SEMA5A: variants seen among roughly 807,000 people sequenced by gnomAD.
SEMA5A encodes the protein semaphorin 5A.
SEMA5A carries 55 observed loss-of-function variants against 135.5 expected under a neutral mutation model. The ratio of observed to expected loss-of-function variants is 0.41; its 90% CI spans 0.33 to 0.51. The LOEUF (loss-of-function observed/expected upper bound fraction) is 0.51. SEMA5A is among the 20% of genes least tolerant of loss of function. SEMA5A has a pLI of 0.37. For synonymous variants in SEMA5A, 580 were observed against 546.5 expected (o/e 1.06, Z -0.85); for missense variants, 1,290 against 1,419.9 (o/e 0.91, Z 1.47).
At chr5:9,501,181 C>T (rs1044038576) in intron 1 of SEMA5A, among the ~76,000 whole-genome samples, 1 of 152,196 alleles carries the variant, frequency 6.6e-6, no homozygotes, top group Non-Finnish European at 1.5e-5. Context: ...CAAAACACCA[C>T]AGCAGTTTCA....
intron 1 of SEMA5A, among the ~76,000 whole-genome samples, chr5:9,509,897 C>T (rs541294114): frequency 2.7e-4 from 41 of 151,996 alleles, no homozygotes; most frequent in South Asian, 4.2e-4. Flanking sequence ...CAATCATGAA[C>T]GCTATTGGAG....
intron 6 of SEMA5A, among the ~76,000 whole-genome samples, chr5:9,231,683 C>T (rs1014700682): frequency 1.3e-5 from 2 of 152,102 alleles, no homozygotes; most frequent in Admixed American, 6.5e-5. Flanking sequence ...GGTAGAGTCA[C>T]AATGTAGAAG....
chr5:9,097,609 C>A (rs1293689035), intron 16 of SEMA5A, among the ~76,000 whole-genome samples: 1 of 152,110 alleles, frequency 6.6e-6, no homozygotes, highest in Non-Finnish European at 1.5e-5. Flanking sequence ...CAGGTGATCT[C>A]CACCTTTTCT....
rs1054301953 is a variant in SEMA5A at position 9,042,803 on chromosome 5, A to C, written c.*94T>G. 6.3e-5 allele frequency: 94 copies of C among 1,491,684 alleles called. No individual in the cohort carries two copies. Among genetic ancestry groups the C allele is most frequent in the Non-Finnish European group, 8.5e-5 (92 of 1,082,254 alleles). The allele number at this position is 1,491,684 out of a possible 1,614,324, so 92.4% of individuals were successfully genotyped here. Reference sequence around the variant, plus strand: ...TTGAAATGCACTTGAAATGTATCCAAACTTCGACTCTGAAGCCTCAGAAAC... The same window carrying C: ...TTGAAATGCACTTGAAATGTATCCACACTTCGACTCTGAAGCCTCAGAAAC... On this transcript the variant is annotated 3_prime_UTR_variant, in exon 23 of 23. Coordinates refer to ENST00000382496, the MANE Select transcript of SEMA5A (RefSeq NM_003966.3).
At chr5:9,168,319 T>C (rs1484060622) in intron 11 of SEMA5A, among the ~76,000 whole-genome samples, 1 of 152,182 alleles carries the variant, frequency 6.6e-6, no homozygotes, top group East Asian at 1.9e-4. Flanking sequence ...ACATTCTAGG[T>C]GACTCTAACT....
At chr5:9,090,568 C>A (rs2150123125) in intron 16 of SEMA5A, among the ~76,000 whole-genome samples, 1 of 152,350 alleles carries the variant, frequency 6.6e-6, no homozygotes, top group East Asian at 1.9e-4. Context: ...TTGATCTGTG[C>A]AGCTGGCCTC....
At chr5:9,092,178 T>G (rs939753422) in intron 16 of SEMA5A, among the ~76,000 whole-genome samples, 3 of 152,176 alleles carry the variant, frequency 2.0e-5, no homozygotes, top group African/African-American at 7.2e-5. Flanking sequence ...CCAGGCTTAT[T>G]GTGAGACAAC....
At chr5:9,177,210 A>G (rs1427486588) in intron 11 of SEMA5A, among the ~76,000 whole-genome samples, 1 of 152,216 alleles carries the variant, frequency 6.6e-6, no homozygotes, top group African/African-American at 2.4e-5. Flanking sequence ...ATAGTTACTT[A>G]GAAACCAGAA....
At chr5:9,499,891 G>A (rs746247546) in intron 1 of SEMA5A, among the ~76,000 whole-genome samples, 7 of 151,554 alleles carry the variant, frequency 4.6e-5, no homozygotes, top group Admixed American at 6.6e-5. Flanking sequence ...AGAAGAAACC[G>A]AAATAAGAAG....
intron 16 of SEMA5A, among the ~76,000 whole-genome samples, chr5:9,100,646 G>A (rs1739576658): frequency 6.6e-6 from 1 of 152,126 alleles, no homozygotes; most frequent in South Asian, 2.1e-4. Context: ...AAAACCACCT[G>A]CCCTAAACCC....
At chr5:9,075,107 A>G (rs1477048214) in intron 16 of SEMA5A, among the ~76,000 whole-genome samples, 3 of 152,244 alleles carry the variant, frequency 2.0e-5, no homozygotes, top group Admixed American at 6.5e-5. Flanking sequence ...AAAAAATGTG[A>G]AAACAATATT....
At chr5:9,429,873 A>G (rs1757795402) in intron 2 of SEMA5A, among the ~76,000 whole-genome samples, 1 of 152,166 alleles carries the variant, frequency 6.6e-6, no homozygotes. Flanking sequence ...CCAAGGGAGG[A>G]AGCTGGCTTT....
At chr5:9,182,195 G>A (rs1328589368) in intron 11 of SEMA5A, among the ~76,000 whole-genome samples, 2 of 143,596 alleles carry the variant, frequency 1.4e-5, no homozygotes, top group Admixed American at 1.4e-4. Context: ...CAGGGTGTCT[G>A]TCTGTCTTGT....
chr5:9,394,576 A>T (rs1756307622), intron 2 of SEMA5A, among the ~76,000 whole-genome samples: 1 of 152,096 alleles, frequency 6.6e-6, no homozygotes, highest in Admixed American at 6.6e-5. Context: ...CAACCAACCG[A>T]GCAATAACAA....
At chr5:9,240,226 C>A (rs1298647543) in intron 5 of SEMA5A, among the ~76,000 whole-genome samples, 1 of 151,982 alleles carries the variant, frequency 6.6e-6, no homozygotes, top group Non-Finnish European at 1.5e-5. Context: ...TTTCCTAAGG[C>A]ATTTTATTAC....
chr5:9,197,262 C>T lies in SEMA5A; in HGVS notation c.974G>A (p.Ser325Asn). Residue 325 changes from serine (S) to asparagine (N), a missense_variant, in exon 10 of 23, where the codon AGC (serine) becomes AAC (asparagine). By Grantham distance (46) the Ser-to-Asn change is conservative (BLOSUM62 1). This residue lies in a region of SEMA5A where 1,029 missense variants were observed against 1,086.6 expected (regional missense o/e 0.95). Coordinates refer to ENST00000382496, the MANE Select transcript of SEMA5A (RefSeq NM_003966.3). Reference protein sequence around the residue: ...AASAVCVFNLSAIAQAFSGPF... With the variant: ...AASAVCVFNLNAIAQAFSGPF... ...CCCAGAGAAGGCCTGCGCGATGGCGCTCAGGTTGAAGACGCACACAGCTGA... is the reference window on the plus strand; with the variant it reads ...CCCAGAGAAGGCCTGCGCGATGGCGTTCAGGTTGAAGACGCACACAGCTGA... The T allele has an allele frequency of 1.9e-6, 3 of 1,614,142 alleles. No homozygotes were observed. Among genetic ancestry groups the T allele is most frequent in the Non-Finnish European group, 2.5e-6 (3 of 1,180,034 alleles).
chr5:9,381,877 T>C (rs1755625632), intron 2 of SEMA5A, among the ~76,000 whole-genome samples: 1 of 151,906 alleles, frequency 6.6e-6, no homozygotes, highest in Non-Finnish European at 1.5e-5. Flanking sequence ...TCAAGGATAG[T>C]GATGCCATTC....
At chr5:9,337,182 C>T (rs1753427997) in intron 4 of SEMA5A, among the ~76,000 whole-genome samples, 1 of 152,138 alleles carries the variant, frequency 6.6e-6, no homozygotes, top group South Asian at 2.1e-4. Context: ...CGTTGAATCT[C>T]AATTTACTGG....
intron 16 of SEMA5A, among the ~76,000 whole-genome samples, chr5:9,088,361 C>T (rs1738827556): frequency 6.7e-6 from 1 of 148,946 alleles, no homozygotes; most frequent in Non-Finnish European, 1.5e-5. Flanking sequence ...TCTTAATTTT[C>T]CTATAAATAT....
Sources: allele counts gnomAD v4.1 joint callset (sites outside exome capture counted in the v4.1 genomes callset), GRCh38; gene constraint gnomAD v4.1.1; regional missense constraint gnomAD v4.1.1; transcripts MANE v1.5; gene names NCBI Gene and HGNC (gene_info 2026-07-23, HGNC 2026-07-21).